The following C16orf96 variants were observed in gnomAD, a reference collection of about 807,000 sequenced individuals.
The protein encoded by C16orf96 is chromosome 16 open reading frame 96, also known as uncharacterized protein C16orf96.
A neutral mutation model predicts 103.6 loss-of-function variants in C16orf96; 108 were observed. That is an observed-to-expected ratio of 1.04 (90% confidence interval 0.89 to 1.22). The LOEUF (loss-of-function observed/expected upper bound fraction) is 1.22, where lower values mean the gene tolerates loss of function less well. Among genes scored for constraint, C16orf96 ranks in the 50% most tolerant of loss-of-function variants. The pLI is 0.00. For synonymous variants in C16orf96, 566 were observed against 593.5 expected (o/e 0.95, Z 0.67); for missense variants, 1,586 against 1,464.2 (o/e 1.08, Z -1.36).
chr16:4,600,464 C>T lies in C16orf96; in HGVS notation c.*147C>T. On this transcript the variant is annotated 3_prime_UTR_variant, in exon 16 of 16. Coordinates refer to ENST00000444310, the MANE Select transcript of C16orf96 (RefSeq NM_001145011.2). ...CACCCCCACCCCCACCAAGTCCCCT[C>T]CATGTCCGAGGCTGAGGCTCATGCG... 1 of 551,518 alleles carries T rather than the reference C, an allele frequency of 1.8e-6. No individual in the cohort carries two copies. The highest frequency in any genetic ancestry group is 3.1e-5 in the East Asian group (1 of 32,660). 34.2% of individuals were successfully genotyped at this position (551,518 alleles called of 1,614,324 possible).
the C16orf96 span, among the ~76,000 whole-genome samples, chr16:4,548,813 C>T: frequency 6.7e-6 from 1 of 148,876 alleles, no homozygotes; most frequent in Admixed American, 6.8e-5. Flanking sequence ...GCGGAGGTTG[C>T]AGTGAGCCAA....
chr16:4,564,407 C>T (rs1375022196), intron 1 of C16orf96, among the ~76,000 whole-genome samples: 2 of 152,208 alleles, frequency 1.3e-5, no homozygotes, highest in African/African-American at 4.8e-5. Flanking sequence ...GGGATGCTAA[C>T]AACCTATTGT....
At chr16:4,538,834 G>C in the C16orf96 span, 2 of 152,310 alleles carry the variant, frequency 1.3e-5, no homozygotes, top group Non-Finnish European at 2.9e-5. Flanking sequence ...ACGGTGGGGG[G>C]TGGGGTCTCG....
At chr16:4,559,684 G>A (rs1043820718) in intron 1 of C16orf96, among the ~76,000 whole-genome samples, 6 of 152,080 alleles carry the variant, frequency 3.9e-5, no homozygotes, top group Admixed American at 2.6e-4. Context: ...ACATTGTTGT[G>A]CAGCCAGCCA....
chr16:4,566,047 T>A (rs1291156620), intron 1 of C16orf96, among the ~76,000 whole-genome samples: 1 of 152,138 alleles, frequency 6.6e-6, no homozygotes, highest in Admixed American at 6.5e-5. Flanking sequence ...CTTGCTGTGT[T>A]AACAGCCCAC....
intron 2 of C16orf96, among the ~76,000 whole-genome samples, chr16:4,573,807 C>T (rs1440177674): frequency 6.6e-6 from 1 of 150,446 alleles, no homozygotes; most frequent in Admixed American, 6.6e-5. Context: ...TGGCCTGTCT[C>T]TTGGAGGTGT....
chr16:4,561,979 AC>A (rs1427266316), intron 1 of C16orf96, among the ~76,000 whole-genome samples: 1 of 152,062 alleles, frequency 6.6e-6, no homozygotes, highest in East Asian at 1.9e-4. Context: ...GTTTCGTCTA[AC>A]CCTGTTTCCA....
chr16:4,546,854 T>A, the C16orf96 span, among the ~76,000 whole-genome samples: 2 of 152,192 alleles, frequency 1.3e-5, no homozygotes, highest in African/African-American at 4.8e-5. Context: ...TGGAATATTA[T>A]TCATTCCATA....
chr16:4,560,272 G>T (rs974900564), intron 1 of C16orf96: 1 of 152,176 alleles, frequency 6.6e-6, no homozygotes, highest in Non-Finnish European at 1.5e-5. Context: ...TGTGGTCTCA[G>T]CTCACTGCAA....
rs775533986 is a variant in C16orf96, at chr16:4,599,396, T to C, written c.3208+32T>C. 31 of 1,533,330 alleles carry C rather than the reference T, an allele frequency of 2.0e-5. 1 individual carries two copies. The South Asian group carries it at 3.7e-4, about 18-fold the overall frequency. 95.0% of individuals were successfully genotyped at this position (1,533,330 alleles called of 1,614,324 possible). ...ACCTGGTTCCCAGCCCCAGCCCAGC[T>C]GTGATTCTGGAAGGGTCTCCAGTCC... On this transcript the variant is annotated intron_variant, in intron 15 of 15. Coordinates refer to ENST00000444310, the MANE Select transcript of C16orf96 (RefSeq NM_001145011.2).
At chr16:4,554,297 G>T (rs2059243611), upstream of C16orf96, among the ~76,000 whole-genome samples, 1 of 152,184 alleles carries the variant, frequency 6.6e-6, no homozygotes, top group South Asian at 2.1e-4. Flanking sequence ...ACCGTCACTT[G>T]GGTGGGCAGG....
At chr16:4,545,777 C>G in the C16orf96 span, among the ~76,000 whole-genome samples, 2 of 152,312 alleles carry the variant, frequency 1.3e-5, no homozygotes, top group Middle Eastern at 3.4e-3. Flanking sequence ...CTCTTTTCCC[C>G]TATTGCAATA....
intron 5 of C16orf96, among the ~76,000 whole-genome samples, 151 bp downstream of exon 5, chr16:4,576,786 T>C (rs976026255): frequency 6.6e-6 from 1 of 152,254 alleles, no homozygotes; most frequent in Non-Finnish European, 1.5e-5. Context: ...CATTTGGCTC[T>C]TAACGAGTCT....
chr16:4,566,523 G>A (rs960517192), intron 1 of C16orf96, among the ~76,000 whole-genome samples: 2 of 151,980 alleles, frequency 1.3e-5, no homozygotes, highest in South Asian at 2.1e-4. Context: ...TTTTTAATTG[G>A]GTTATTTGTA....
At chr16:4,555,211 G>A (rs185860228), upstream of C16orf96, among the ~76,000 whole-genome samples, 1,124 of 151,108 alleles carry the variant, frequency 7.4e-3, 8 homozygotes, top group Non-Finnish European at 0.012. Context: ...TGCAGTGAGC[G>A]GAGATCGCGC....
At chr16:4,571,695 A>G (rs1245836819) in intron 2 of C16orf96, 30 bp downstream of exon 2, 39 of 1,526,442 alleles carry the variant, frequency 2.6e-5, no homozygotes, top group Non-Finnish European at 3.4e-5. Context: ...CCTCCATGCC[A>G]GCTGCGTTGC....
At position 4,576,611 on chromosome 16, in the gene C16orf96, C is replaced by G. The variant is rs535167070; in HGVS notation, c.2131C>G (p.Leu711Val). 6.4e-7 allele frequency: 1 copy of G among 1,551,360 alleles called. No individual in the cohort carries two copies. The highest frequency in any genetic ancestry group is 1.2e-5 in the South Asian group (1 of 84,018). Residue 711 changes from leucine to valine, a missense_variant, in exon 5 of 16, where the codon CTG (leucine) becomes GTG (valine). Leu to Val is a conservative substitution (Grantham distance 32). Coordinates refer to ENST00000444310, the MANE Select transcript of C16orf96 (RefSeq NM_001145011.2). ...KEEFAQLSCN[L>V]NQRLSYLANM... Reference sequence around the variant, plus strand: ...AGAATTTGCCCAGCTGTCCTGTAACCTGAACCAGCGCTTGAGTTATCTAGG... The same window carrying G: ...AGAATTTGCCCAGCTGTCCTGTAACGTGAACCAGCGCTTGAGTTATCTAGG...
intron 1 of C16orf96, among the ~76,000 whole-genome samples, chr16:4,557,443 A>G (rs1251119622): frequency 6.6e-6 from 1 of 152,186 alleles, no homozygotes; most frequent in African/African-American, 2.4e-5. Flanking sequence ...TTCCATTTAT[A>G]CGAAATGTCC....
chr16:4,583,843 TC>T (rs1488060585), intron 7 of C16orf96, among the ~76,000 whole-genome samples: 1 of 147,318 alleles, frequency 6.8e-6, no homozygotes. Flanking sequence ...GAGAATTGCT[TC>T]AGCTCAGGAG....
Sources: allele counts gnomAD v4.1 joint callset (sites outside exome capture counted in the v4.1 genomes callset), GRCh38; gene constraint gnomAD v4.1.1; transcripts MANE v1.5; gene names NCBI Gene and HGNC (gene_info 2026-07-23, HGNC 2026-07-21).